FILIP1L: variants seen among roughly 807,000 people sequenced by gnomAD.
FILIP1L encodes filamin A-interacting protein 1-like.
FILIP1L carries 55 observed loss-of-function variants against 96.6 expected under a neutral mutation model. The observed-to-expected ratio is 0.57, with a 90% CI of 0.46 to 0.71. The LOEUF is 0.71. Among genes scored for constraint, FILIP1L ranks in the 30% least tolerant of loss-of-function variants. The pLI is 0.00. For synonymous variants in FILIP1L, 467 were observed against 473.9 expected (o/e 0.99, Z 0.19); for missense variants, 1,304 against 1,321.2 (o/e 0.99, Z 0.20).
At chr3:99,934,284 C>A (rs1351995314) in intron 1 of FILIP1L, among the ~76,000 whole-genome samples, 1 of 152,232 alleles carries the variant, frequency 6.6e-6, no homozygotes, top group Non-Finnish European at 1.5e-5. Context: ...AAGGAATTAA[C>A]TGCAGCCATC....
chr3:100,093,141 A>G (rs2066142202), intron 1 of FILIP1L, among the ~76,000 whole-genome samples: 1 of 152,178 alleles, frequency 6.6e-6, no homozygotes, highest in Non-Finnish European at 1.5e-5. Context: ...TACTCTATGC[A>G]CTGGTCATCA....
At chr3:99,923,475 G>A (rs1707187482) in intron 4 of FILIP1L, among the ~76,000 whole-genome samples, 1 of 152,164 alleles carries the variant, frequency 6.6e-6, no homozygotes, top group South Asian at 2.1e-4. Context: ...AGCCAGGAGT[G>A]CTTCTCAGTA....
At position 99,851,085 on chromosome 3, in the gene FILIP1L, G is replaced by A. The variant is rs1943672993; in HGVS notation, c.606-15C>T. ...GCTTCTTTAATCTGAAAAATGTAAA[G>A]TGCATTTTATTTTGTGATTGATGCT... On this transcript the variant is annotated splice_polypyrimidine_tract_variant and intron_variant, in intron 4 of 5. Coordinates refer to ENST00000477258, the MANE Select transcript of FILIP1L (RefSeq NM_001387850.1). 1 of 1,549,186 alleles carries A rather than the reference G, an allele frequency of 6.5e-7. No homozygotes were observed. The highest frequency in any genetic ancestry group is 8.7e-7 in the Non-Finnish European group (1 of 1,155,880).
chr3:100,043,765 C>G (rs974761230), intron 1 of FILIP1L, among the ~76,000 whole-genome samples: 1 of 152,060 alleles, frequency 6.6e-6, no homozygotes, highest in Non-Finnish European at 1.5e-5. Context: ...ATCAATCAAG[C>G]TAGTTAACAT....
At chr3:99,889,041 T>G (rs940459863) in intron 4 of FILIP1L, among the ~76,000 whole-genome samples, 1 of 152,192 alleles carries the variant, frequency 6.6e-6, no homozygotes, top group Non-Finnish European at 1.5e-5. Flanking sequence ...ACTACATGGT[T>G]ACTTTTTGTT....
At chr3:100,048,387 G>A (rs1185910304) in intron 1 of FILIP1L, among the ~76,000 whole-genome samples, 1 of 152,198 alleles carries the variant, frequency 6.6e-6, no homozygotes, top group Non-Finnish European at 1.5e-5. Context: ...GCTGCTTGAA[G>A]CATTTGCTTG....
At chr3:99,904,775 TG>T in intron 4 of FILIP1L, among the ~76,000 whole-genome samples, 1 of 152,316 alleles carries the variant, frequency 6.6e-6, no homozygotes, top group South Asian at 2.1e-4. Flanking sequence ...CATCCTCTTT[TG>T]CTCTAGAATC....
intron 1 of FILIP1L, among the ~76,000 whole-genome samples, chr3:99,933,023 A>G (rs776352572): frequency 6.6e-6 from 1 of 152,164 alleles, no homozygotes; most frequent in Admixed American, 6.5e-5. Context: ...CAACAACACT[A>G]TGAGGTAGGG....
chr3:100,086,738 A>G (rs1233478149), intron 1 of FILIP1L, among the ~76,000 whole-genome samples: 2 of 152,162 alleles, frequency 1.3e-5, no homozygotes, highest in Non-Finnish European at 2.9e-5. Context: ...GGTAAAATTC[A>G]CTTTTGTGTC....
chr3:100,030,868 G>T (rs2065011040), intron 1 of FILIP1L, among the ~76,000 whole-genome samples: 1 of 152,068 alleles, frequency 6.6e-6, no homozygotes, highest in Admixed American at 6.6e-5. Context: ...GTGCACTGTG[G>T]TAAAATTTTC....
At chr3:100,025,050 C>T (rs1447583709) in intron 1 of FILIP1L, among the ~76,000 whole-genome samples, 1 of 152,138 alleles carries the variant, frequency 6.6e-6, no homozygotes, top group Non-Finnish European at 1.5e-5. Context: ...CTAATTAACA[C>T]GCATTTTTCT....
Position 99,850,051 on chromosome 3 carries a change from T to C in FILIP1L, c.1625A>G (p.Glu542Gly), listed in dbSNP as rs1943592178. The change falls in exon 5 of 6, where the codon GAA becomes GGA. Residue 542 changes from glutamate (E) to glycine (G), a missense_variant. Glu to Gly is a moderately conservative substitution (Grantham distance 98, BLOSUM62 -2). Transcript: ENST00000477258. Reference sequence around the variant, plus strand: ...TTTGGACTTGAGCGCCCTTTTAGTTTCCTCAATTAACTTCTCAGTAACTGT... The same window carrying C: ...TTTGGACTTGAGCGCCCTTTTAGTTCCCTCAATTAACTTCTCAGTAACTGT... ...VTTVTEKLIE[E>G]TKRALKSKTD... 1 of 1,611,414 alleles carries C rather than the reference T, an allele frequency of 6.2e-7. No individual in the cohort carries two copies. The highest frequency in any genetic ancestry group is 1.1e-5 in the South Asian group (1 of 89,974).
At chr3:99,945,862 A>C (rs184556688) in intron 1 of FILIP1L, among the ~76,000 whole-genome samples, 111 of 152,318 alleles carry the variant, frequency 7.3e-4, no homozygotes, top group Middle Eastern at 3.4e-3. Flanking sequence ...TCTTATGCGA[A>C]ACCTCTTGTC....
intron 1 of FILIP1L, among the ~76,000 whole-genome samples, chr3:100,014,107 A>T (rs957634686): frequency 1.4e-4 from 21 of 151,596 alleles, no homozygotes; most frequent in African/African-American, 5.1e-4. Context: ...TTCATTTAAC[A>T]TAATGTCCTC....
intron 1 of FILIP1L, among the ~76,000 whole-genome samples, chr3:99,968,037 A>C (rs1038285061): frequency 2.0e-4 from 30 of 152,254 alleles, no homozygotes; most frequent in African/African-American, 7.0e-4. Flanking sequence ...AGAGAGATAC[A>C]ATCTCTGCCT....
chr3:99,913,952 T>C (rs1239872948), intron 4 of FILIP1L, among the ~76,000 whole-genome samples: 4 of 152,132 alleles, frequency 2.6e-5, no homozygotes, highest in Non-Finnish European at 4.4e-5. Flanking sequence ...ATGGAGTGTA[T>C]GTGTATGATA....
At chr3:100,018,696 A>G (rs146786707) in intron 1 of FILIP1L, among the ~76,000 whole-genome samples, 1 of 151,348 alleles carries the variant, frequency 6.6e-6, no homozygotes, top group Non-Finnish European at 1.5e-5. Flanking sequence ...GCAAGAATAG[A>G]TGAATGAAAT....
At chr3:99,932,281 T>A (rs1363728651) in intron 1 of FILIP1L, among the ~76,000 whole-genome samples, 1 of 152,196 alleles carries the variant, frequency 6.6e-6, no homozygotes, top group East Asian at 1.9e-4. Flanking sequence ...TATATATTGC[T>A]GAACAATGTA....
At chr3:99,880,046 A>G (rs971379538) in intron 4 of FILIP1L, among the ~76,000 whole-genome samples, 2 of 152,128 alleles carry the variant, frequency 1.3e-5, no homozygotes, top group Admixed American at 6.5e-5. Context: ...TAACCTTGCC[A>G]TGGATCCGAT....
Sources: gnomAD v4.1 joint callset for allele counts (sites outside exome capture counted in the v4.1 genomes callset) on GRCh38, gnomAD v4.1.1 for gene constraint, MANE v1.5 for transcripts, NCBI Gene and HGNC (gene_info 2026-07-23, HGNC 2026-07-21) for gene names.